Variants in SLCO2A1 observed in about 807,000 individuals in gnomAD.
The protein encoded by SLCO2A1 is matrin F/G 1.
SLCO2A1 carries 60 observed loss-of-function variants against 71.7 expected under a neutral mutation model. That is an observed-to-expected ratio of 0.84 (90% confidence interval 0.68 to 1.04). The LOEUF (loss-of-function observed/expected upper bound fraction) is 1.04, where lower values mean the gene tolerates loss of function less well. SLCO2A1 is among the 50% of genes least tolerant of loss of function. The pLI, the probability that SLCO2A1 is intolerant of heterozygous loss-of-function variation, is 0.00. For synonymous variants in SLCO2A1, 308 were observed against 326.7 expected (o/e 0.94, Z 0.62); for missense variants, 745 against 813.4 (o/e 0.92, Z 1.02).
At chr3:133,990,537 T>C (rs1266851644) in intron 1 of SLCO2A1, among the ~76,000 whole-genome samples, 1 of 152,176 alleles carries the variant, frequency 6.6e-6, no homozygotes, top group Non-Finnish European at 1.5e-5. Context: ...CTCCTCCCAC[T>C]ACACTCATGA....
intron 1 of SLCO2A1, among the ~76,000 whole-genome samples, chr3:133,982,680 G>A (rs896899652): frequency 2.0e-5 from 3 of 151,962 alleles, no homozygotes; most frequent in African/African-American, 7.3e-5. Context: ...CTCCCACATT[G>A]GAGCCCTGCC....
rs1343962684 is a variant in SLCO2A1 at position 133,935,761 on chromosome 3, G to C, written c.1814+13C>G. The C allele has an allele frequency of 6.9e-6, 11 of 1,583,756 alleles. No individual in the cohort carries two copies. The highest frequency in any genetic ancestry group is 1.3e-5 in the African/African-American group (1 of 74,442). On this transcript the variant is annotated intron_variant, in intron 13 of 13. Coordinates refer to ENST00000310926, the MANE Select transcript of SLCO2A1 (RefSeq NM_005630.3). ...GCCTGGCTCTGGGACACACATACAT[G>C]ATGGGCCCTCACCTGTCTCGGAGAG...
At chr3:134,007,471 T>C (rs1935245009) in intron 1 of SLCO2A1, among the ~76,000 whole-genome samples, 1 of 152,374 alleles carries the variant, frequency 6.6e-6, no homozygotes, top group Middle Eastern at 3.4e-3. Flanking sequence ...AGATCTTTTA[T>C]TCATTTGAAG....
chr3:133,967,385 T>C (rs1934205570), intron 3 of SLCO2A1, among the ~76,000 whole-genome samples: 1 of 152,210 alleles, frequency 6.6e-6, no homozygotes, highest in Non-Finnish European at 1.5e-5. Flanking sequence ...AGAGAGGCTG[T>C]CACACCATCA....
At position 133,934,521 on chromosome 3, in the gene SLCO2A1, G is replaced by A; in HGVS notation, c.*192C>T. The stretch of plus-strand genomic sequence containing the variant: ...CCCCAGTTCTGGCCCACACAGCCCG[G>A]GTACACAGTGGCCCTTAGGAACTGT... On this transcript the variant is annotated 3_prime_UTR_variant, in exon 14 of 14. Coordinates refer to ENST00000310926, the MANE Select transcript of SLCO2A1 (RefSeq NM_005630.3). The A allele has an allele frequency of 1.9e-6, 1 of 518,124 alleles. No homozygotes were observed. Among genetic ancestry groups the A allele is most frequent in the South Asian group, 2.2e-5 (1 of 45,216 alleles). The allele number at this position is 518,124 out of a possible 1,614,324, so 32.1% of individuals were successfully genotyped here.
At chr3:134,025,940 A>G (rs1283836234) in intron 1 of SLCO2A1, among the ~76,000 whole-genome samples, 2 of 152,216 alleles carry the variant, frequency 1.3e-5, no homozygotes, top group Non-Finnish European at 2.9e-5. Context: ...CAGGAAAAAC[A>G]AGAAATTTGT....
intron 1 of SLCO2A1, among the ~76,000 whole-genome samples, chr3:134,012,712 A>G (rs1935367460): frequency 6.6e-6 from 1 of 152,180 alleles, no homozygotes; most frequent in African/African-American, 2.4e-5. Flanking sequence ...AATGAGCTCC[A>G]CCGCTGTGCA....
At chr3:133,960,137 TAAATAAATA>T (rs1934003336) in intron 3 of SLCO2A1, among the ~76,000 whole-genome samples, 1 of 151,200 alleles carries the variant, frequency 6.6e-6, no homozygotes, top group African/African-American at 2.4e-5. Flanking sequence ...AATAAATAAA[TAAATAAATA>T]AATAAATAAA....
chr3:133,935,124 G>A (rs748832378), intron 13 of SLCO2A1, among the ~76,000 whole-genome samples: 19 of 152,170 alleles, frequency 1.2e-4, no homozygotes, highest in African/African-American at 1.7e-4. Context: ...AGACGGTCCT[G>A]ACCTCCAAGC....
At chr3:133,969,522 G>A (rs1934278210) in intron 3 of SLCO2A1, among the ~76,000 whole-genome samples, 1 of 152,036 alleles carries the variant, frequency 6.6e-6, no homozygotes, top group African/African-American at 2.4e-5. Flanking sequence ...AAGTAGCTGG[G>A]ACTACAAGCA....
intron 1 of SLCO2A1, among the ~76,000 whole-genome samples, chr3:134,017,007 T>C (rs1328054467): frequency 2.0e-5 from 3 of 152,180 alleles, no homozygotes; most frequent in Non-Finnish European, 4.4e-5. Context: ...GGAGGACAGA[T>C]TAGTGGTTAC....
rs1026624936 is a variant in SLCO2A1, at chr3:133,934,315, C to T, written c.*398G>A. 1.9e-5 allele frequency: 3 copies of T among 157,200 alleles called. No individual in the cohort carries two copies. The highest frequency in any genetic ancestry group is 1.9e-4 in the East Asian group (1 of 5,382). 9.7% of individuals were successfully genotyped at this position (157,200 alleles called of 1,614,324 possible). ...CACTCTGCAGGGTGTGGGCAGTCAGCGGGAGAGTGGAGCTGCCTGGCAAGA... is the reference window on the plus strand; with the variant it reads ...CACTCTGCAGGGTGTGGGCAGTCAGTGGGAGAGTGGAGCTGCCTGGCAAGA... On this transcript the variant is annotated 3_prime_UTR_variant, in exon 14 of 14. Coordinates refer to ENST00000310926, the MANE Select transcript of SLCO2A1 (RefSeq NM_005630.3).
chr3:133,949,990 G>A (rs1026158739), intron 6 of SLCO2A1, among the ~76,000 whole-genome samples: 2 of 152,022 alleles, frequency 1.3e-5, no homozygotes, highest in African/African-American at 4.8e-5. Context: ...ACCATGCTGA[G>A]CTAAGTTTTT....
chr3:134,027,751 G>C (rs1935727693), intron 1 of SLCO2A1, among the ~76,000 whole-genome samples: 1 of 152,196 alleles, frequency 6.6e-6, no homozygotes, highest in Non-Finnish European at 1.5e-5. Flanking sequence ...TCAAATAGCA[G>C]AGCTCCCAGT....
intron 1 of SLCO2A1, among the ~76,000 whole-genome samples, chr3:133,996,449 AGTGCT>A (rs1388100076): frequency 6.6e-6 from 1 of 152,190 alleles, no homozygotes; most frequent in Admixed American, 6.5e-5. Context: ...GGCTCTCCCC[AGTGCT>A]CTGCTCTGAC....
At chr3:133,938,340 G>T (rs1933325242) in intron 12 of SLCO2A1, 89 bp downstream of exon 12, 2 of 1,111,240 alleles carry the variant, frequency 1.8e-6, no homozygotes, top group Admixed American at 1.7e-5. Context: ...ATGAGATGGT[G>T]CTTCCTCCAT....
At chr3:134,002,130 C>A (rs1357063101) in intron 1 of SLCO2A1, among the ~76,000 whole-genome samples, 5 of 152,238 alleles carry the variant, frequency 3.3e-5, no homozygotes, top group Admixed American at 2.6e-4. Flanking sequence ...TGACTCCAGC[C>A]TCCCAAAACG....
chr3:133,968,611 G>A (rs531688634), intron 3 of SLCO2A1, among the ~76,000 whole-genome samples: 1 of 152,324 alleles, frequency 6.6e-6, no homozygotes, highest in East Asian at 1.9e-4. Flanking sequence ...TTAACCTCCA[G>A]GAAGCTTCCT....
Position 133,942,499 on chromosome 3 carries a change from C to A in SLCO2A1, c.1625+106G>T, listed in dbSNP as rs571027728. On this transcript the variant is annotated intron_variant, in intron 11 of 13. Transcript: ENST00000310926. The stretch of plus-strand genomic sequence containing the variant: ...ATTGTCATTTAAAGGACTCTGAGGG[C>A]CACAAAAGGGGGGAGAGATGAGAAA... The A allele has an allele frequency of 1.6e-4, 190 of 1,206,072 alleles. 1 individual carries two copies. In the South Asian group the frequency reaches 3.0e-3, roughly 19 times the overall value. 74.7% of individuals were successfully genotyped at this position (1,206,072 alleles called of 1,614,324 possible).
Sources: allele counts gnomAD v4.1 joint callset (sites outside exome capture counted in the v4.1 genomes callset), GRCh38; gene constraint gnomAD v4.1.1; transcripts MANE v1.5; gene names NCBI Gene and HGNC (gene_info 2026-07-23, HGNC 2026-07-21).